Variants in FRYL observed in about 807,000 individuals in gnomAD.
FRYL encodes the protein protein furry homolog-like.
Under a neutral mutation model 351.2 loss-of-function variants are expected in FRYL, and 150 were observed. The ratio of observed to expected loss-of-function variants is 0.43; its 90% confidence interval spans 0.37 to 0.49. The LOEUF is 0.49. FRYL is among the 20% of genes least tolerant of loss of function. The pLI, the probability that FRYL is intolerant of heterozygous loss-of-function variation, is 0.00. For synonymous variants in FRYL, 1,153 were observed against 1,257.1 expected (o/e 0.92, Z 1.75); for missense variants, 3,036 against 3,619.3 (o/e 0.84, Z 4.13).
In FRYL at chr4:48,634,569, G is replaced by A. The variant is rs1433917716; in HGVS notation, c.-80-79C>T. On this transcript the variant is annotated intron_variant, in intron 3 of 63. Coordinates refer to ENST00000358350, the MANE Select transcript of FRYL (RefSeq NM_015030.2). ...CTACCATAACTACCCTATTTAATTTGTAAGCTGCCTCTAACCCTCAACCAG... is the reference window on the plus strand; with the variant it reads ...CTACCATAACTACCCTATTTAATTTATAAGCTGCCTCTAACCCTCAACCAG... The A allele has an allele frequency of 4.5e-6, 5 of 1,115,448 alleles. No individual in the cohort carries two copies. In the African/African-American group the frequency reaches 7.9e-5, roughly 18 times the overall value. The allele number at this position is 1,115,448 out of a possible 1,614,324, so 69.1% of individuals were successfully genotyped here.
At chr4:48,578,295 C>G (rs766112986) in intron 23 of FRYL, among the ~76,000 whole-genome samples, 1 of 152,064 alleles carries the variant, frequency 6.6e-6, no homozygotes, top group Admixed American at 6.6e-5. Flanking sequence ...AATCCAGATG[C>G]TGGGTTTACA....
Position 48,780,083 on chromosome 4 carries a change from C to T in FRYL, c.-389G>A, listed in dbSNP as rs1380070573. 6.6e-6 allele frequency: 1 copy of T among 152,650 alleles called. No homozygotes were observed. Among genetic ancestry groups the T allele is most frequent in the East Asian group, 1.9e-4 (1 of 5,180 alleles). The allele number at this position is 152,650 out of a possible 1,614,324, so 9.5% of individuals were successfully genotyped here. On this transcript the variant is annotated 5_prime_UTR_variant, in exon 1 of 64. Transcript: ENST00000358350. ...TTTCCCCAGTCAACACCTACCCGTT[C>T]CCAGTCCTAGTACAGCTGCCTCGCT... is the stretch of plus-strand genomic sequence containing the variant.
intron 3 of FRYL, among the ~76,000 whole-genome samples, chr4:48,675,285 T>G (rs1464698241): frequency 1.3e-5 from 2 of 152,182 alleles, no homozygotes; most frequent in Admixed American, 1.3e-4. Context: ...TGGGAGCCCC[T>G]TTCTGGGCTG....
chr4:48,710,406 T>A, intron 2 of FRYL, 113 bp downstream of exon 2: 1 of 367,778 alleles, frequency 2.7e-6, no homozygotes, highest in Non-Finnish European at 4.8e-6. Context: ...AAAAATCTGA[T>A]GTTTTTGCCA....
At chr4:48,727,569 G>A (rs1205890108) in intron 1 of FRYL, 1 of 152,066 alleles carries the variant, frequency 6.6e-6, no homozygotes, top group African/African-American at 2.4e-5. Flanking sequence ...AGTCAGAAGG[G>A]GCCTATCGCA....
In FRYL at chr4:48,576,075, C is replaced by T. The variant is rs1214176384; in HGVS notation, c.2676G>A (p.Glu892=). ...SAGSVRCSPP[E]TLASTPDSGY... ...CGCTATCTGGGGTAGACGCCAGCGT[C>T]TCAGGAGGAGAACATCTCACAGAAC... Residue 892 remains glutamate, a synonymous_variant, in exon 24 of 64, where the codon GAG becomes GAA. Transcript: ENST00000358350. The T allele has an allele frequency of 6.2e-7, 1 of 1,613,562 alleles. No individual in the cohort carries two copies. Among genetic ancestry groups the T allele is most frequent in the Non-Finnish European group, 8.5e-7 (1 of 1,179,812 alleles).
chr4:48,567,430 T>G lies in FRYL; in HGVS notation c.2997-10A>C, dbSNP rs765121432. The G allele has an allele frequency of 6.3e-7, 1 of 1,578,118 alleles. No individual in the cohort carries two copies. The highest frequency in any genetic ancestry group is 8.6e-7 in the Non-Finnish European group (1 of 1,166,950). ...AAGGCCACCACTTGCACTGAAAATATTGAAGAAAACAAAAGATGAAGTAAA... is the reference window on the plus strand; with the variant it reads ...AAGGCCACCACTTGCACTGAAAATAGTGAAGAAAACAAAAGATGAAGTAAA... On this transcript the variant is annotated splice_polypyrimidine_tract_variant and intron_variant, in intron 27 of 63. Transcript: ENST00000358350. This position sits in a 1 kb window ranked among gnomAD's most constrained non-coding sequence, Gnocchi z 4.2.
chr4:48,586,040 TA>T (rs965504775), intron 19 of FRYL, among the ~76,000 whole-genome samples: 2 of 152,224 alleles, frequency 1.3e-5, no homozygotes, highest in Non-Finnish European at 1.5e-5. Context: ...AGGGAATCCC[TA>T]ACTACATCAA....
chr4:48,502,597 A>G (rs1247640327), intron 61 of FRYL, among the ~76,000 whole-genome samples: 2 of 152,160 alleles, frequency 1.3e-5, no homozygotes, highest in African/African-American at 4.8e-5. Flanking sequence ...AAGAAATTTA[A>G]GAGGAGATAT....
At chr4:48,762,673 C>T (rs1220304161) in intron 1 of FRYL, among the ~76,000 whole-genome samples, 1 of 152,110 alleles carries the variant, frequency 6.6e-6, no homozygotes, top group Non-Finnish European at 1.5e-5. Context: ...AAACCTCTCA[C>T]TGGAAAAATG....
chr4:48,628,811 T>C (rs903937161), intron 4 of FRYL, among the ~76,000 whole-genome samples: 1 of 152,016 alleles, frequency 6.6e-6, no homozygotes, highest in African/African-American at 2.4e-5. Flanking sequence ...ATACGTCAAT[T>C]ATTTTTAAGA....
chr4:48,544,017 GAGT>G lies in FRYL; in HGVS notation c.5402-23_5402-21del, dbSNP rs772294068. 5 of 1,608,076 alleles carry G rather than the reference GAGT, an allele frequency of 3.1e-6. No individual in the cohort carries two copies. Among genetic ancestry groups the G allele is most frequent in the Non-Finnish European group, 1.7e-6 (2 of 1,175,366 alleles). ...TTCCTTCTGTGAATGCAAAGGAAAC[GAGT>G]AGGTTGTTCTTGTTCTTTAGAATAC... On this transcript the variant is annotated intron_variant, in intron 43 of 63. Transcript: ENST00000358350.
Position 48,581,442 on chromosome 4 carries a change from A to G in FRYL, c.2150T>C (p.Phe717Ser), listed in dbSNP as rs1740882264. The change falls in exon 21 of 64, where the codon TTT becomes TCT. Residue 717 changes from phenylalanine (F) to serine (S), a missense_variant. Phe to Ser is a radical substitution (Grantham distance 155). Around this residue, in one of 7 missense-constraint regions of FRYL, gnomAD observed 492 missense variants for 551.5 expected, o/e 0.89. Transcript: ENST00000358350. ...VSVLREIRAL[F>S]ALLEIPKGDD... is the part of the protein sequence containing the mutation. ...TACCTTAGGTATTTCCAGAAGTGCA[A>G]ATAAAGCCCGTATTTCTCTAAGGAC... The G allele has an allele frequency of 6.2e-7, 1 of 1,607,722 alleles. No individual in the cohort carries two copies. The highest frequency in any genetic ancestry group is 1.3e-5 in the African/African-American group (1 of 74,498).
At chr4:48,575,519 C>T (rs1739412520) in intron 24 of FRYL, among the ~76,000 whole-genome samples, 1 of 152,162 alleles carries the variant, frequency 6.6e-6, no homozygotes, top group Non-Finnish European at 1.5e-5. Flanking sequence ...ATACTCTGTA[C>T]CTTTTGGTCC....
At chr4:48,509,690 A>G (rs1203585941) in intron 59 of FRYL, among the ~76,000 whole-genome samples, 7 of 152,164 alleles carry the variant, frequency 4.6e-5, no homozygotes, top group Admixed American at 1.3e-4. Context: ...GCCCATGTAC[A>G]TGTACACATC....
At chr4:48,622,322 T>C (rs886416610) in intron 5 of FRYL, among the ~76,000 whole-genome samples, 10 of 152,196 alleles carry the variant, frequency 6.6e-5, no homozygotes, top group Admixed American at 5.9e-4. Context: ...TATAGTCTTA[T>C]TGTAACAGAG....
intron 2 of FRYL, among the ~76,000 whole-genome samples, chr4:48,685,507 T>C (rs1465194228): frequency 1.3e-5 from 2 of 152,220 alleles, no homozygotes; most frequent in East Asian, 3.8e-4. Context: ...AAAATAAATA[T>C]AGATTTGTAA....
At chr4:48,766,981 A>G (rs1775017333) in intron 1 of FRYL, among the ~76,000 whole-genome samples, 1 of 147,902 alleles carries the variant, frequency 6.8e-6, no homozygotes, top group Admixed American at 6.8e-5. Flanking sequence ...ATCATAATAT[A>G]TATCTATATA....
chr4:48,558,298 T>C (rs1364180782), intron 33 of FRYL, among the ~76,000 whole-genome samples: 2 of 152,174 alleles, frequency 1.3e-5, no homozygotes, highest in African/African-American at 4.8e-5. Flanking sequence ...CTTGATGACA[T>C]TATGTTACCT....
Sources: gnomAD v4.1 joint callset for allele counts (sites outside exome capture counted in the v4.1 genomes callset) on GRCh38, gnomAD v4.1.1 for gene constraint, gnomAD v4.1.1 regional missense constraint, Gnocchi (gnomAD v3.1) non-coding constraint, MANE v1.5 for transcripts, NCBI Gene and HGNC (gene_info 2026-07-23, HGNC 2026-07-21) for gene names.